The following DIP2C variants were observed in gnomAD, a reference collection of about 807,000 sequenced individuals.
The protein encoded by DIP2C is disco-interacting protein 2 homolog C.
A neutral mutation model predicts 192.4 loss-of-function variants in DIP2C; 33 were observed. That is an observed-to-expected ratio of 0.17 (90% CI 0.13 to 0.23). The LOEUF (loss-of-function observed/expected upper bound fraction) is 0.23. Among genes scored for constraint, DIP2C ranks in the 10% least tolerant of loss-of-function variants. DIP2C has a pLI of 1.00. For missense variants in DIP2C, 1,537 were observed against 2,110.1 expected (o/e 0.73, Z 5.32); for synonymous variants, 979 against 864.1 (o/e 1.13, Z -2.33).
chr10:278,043 C>T, intron 36 of DIP2C, among the ~76,000 whole-genome samples: 1 of 152,146 alleles, frequency 6.6e-6, no homozygotes, highest in African/African-American at 2.4e-5. Context: ...GGCAGGGGTG[C>T]CTACTCCTCT....
At chr10:489,614 G>C (rs1374634072) in intron 1 of DIP2C, among the ~76,000 whole-genome samples, 1 of 152,110 alleles carries the variant, frequency 6.6e-6, no homozygotes, top group Non-Finnish European at 1.5e-5. Context: ...GGCTCTGACA[G>C]AGCCTGGTGC....
chr10:279,979 C>G (rs1028256057), intron 36 of DIP2C, among the ~76,000 whole-genome samples: 2 of 152,198 alleles, frequency 1.3e-5, no homozygotes, highest in African/African-American at 4.8e-5. Flanking sequence ...AAACGGAAGG[C>G]TGTAACTGAT....
At chr10:399,859 C>A (rs1465426272) in intron 9 of DIP2C, among the ~76,000 whole-genome samples, 1 of 152,228 alleles carries the variant, frequency 6.6e-6, no homozygotes, top group East Asian at 1.9e-4. Context: ...TGGTGCCACA[C>A]ACGTGCATGT....
chr10:569,006 G>A (rs12265644), intron 1 of DIP2C, among the ~76,000 whole-genome samples: 8,371 of 152,192 alleles, frequency 0.055, 289 homozygotes, highest in Admixed American at 0.083. Flanking sequence ...CCAGCATGAG[G>A]GCAGCGGCTT....
intron 3 of DIP2C, among the ~76,000 whole-genome samples, chr10:458,929 A>C (rs1969527041): frequency 6.6e-6 from 1 of 151,904 alleles, no homozygotes; most frequent in Non-Finnish European, 1.5e-5. Context: ...TATCCTCAGC[A>C]TAAAATCCGC....
intron 2 of DIP2C, chr10:484,834 C>G: frequency 1.2e-6 from 2 of 1,611,174 alleles, no homozygotes; most frequent in South Asian, 1.1e-5. Context: ...CACCCGCTCC[C>G]GAGCCGCAGC....
intron 32 of DIP2C, among the ~76,000 whole-genome samples, chr10:303,506 A>G (rs1956154971): frequency 6.6e-6 from 1 of 152,056 alleles, no homozygotes; most frequent in Admixed American, 6.6e-5. Flanking sequence ...CAAGTTTTCT[A>G]TTAAAAGTTT....
chr10:568,055 G>A (rs1849553001), intron 1 of DIP2C, among the ~76,000 whole-genome samples: 1 of 152,242 alleles, frequency 6.6e-6, no homozygotes. Context: ...CATCCCCGCA[G>A]TTCTCTGCAC....
chr10:348,905 G>GAAACTTCCACA, intron 25 of DIP2C, 143 bp from the exon 26 acceptor site: 1 of 1,272,910 alleles, frequency 7.9e-7, no homozygotes, highest in Non-Finnish European at 1.1e-6. Context: ...CATCCTGGCG[G>GAAACTTCCACA]GTTTTGTCAG....
chr10:572,501 CAA>C (rs943184261), intron 1 of DIP2C, among the ~76,000 whole-genome samples: 10 of 152,132 alleles, frequency 6.6e-5, no homozygotes, highest in South Asian at 4.1e-4. Flanking sequence ...CCTCCAAAAA[CAA>C]AAGAGTACTG....
chr10:583,283 C>T (rs184505516), intron 1 of DIP2C, among the ~76,000 whole-genome samples: 5 of 152,338 alleles, frequency 3.3e-5, no homozygotes, highest in East Asian at 3.9e-4. Flanking sequence ...CAAAGGAGAA[C>T]GGAGCACCTC....
intron 9 of DIP2C, among the ~76,000 whole-genome samples, chr10:399,960 C>T (rs892414187): frequency 6.6e-6 from 1 of 152,214 alleles, no homozygotes; most frequent in Non-Finnish European, 1.5e-5. Context: ...CTCTTAAGAA[C>T]TAAGTTCCTA....
chr10:523,706 C>T (rs1166752449), intron 1 of DIP2C, among the ~76,000 whole-genome samples: 3 of 149,888 alleles, frequency 2.0e-5, no homozygotes, highest in South Asian at 2.1e-4. Flanking sequence ...CCCACACACT[C>T]GTTTCTACTG....
intron 29 of DIP2C, among the ~76,000 whole-genome samples, chr10:336,893 C>G (rs1478180123): frequency 5.5e-5 from 3 of 54,742 alleles, no homozygotes; most frequent in African/African-American, 2.4e-4. Flanking sequence ...GAGGCCTAGG[C>G]AGGTGTGTGT....
chr10:321,529 GCGGGGGCTCCAGCGAGAGACCGGCGC>G, intron 31 of DIP2C, among the ~76,000 whole-genome samples: 1 of 104,404 alleles, frequency 9.6e-6, no homozygotes, highest in African/African-American at 3.1e-5. Flanking sequence ...GGGAAGGCCT[GCGGGGGCTCCAGCGAGAGACCGGCGC>G]TGTTAGAACA....
intron 10 of DIP2C, among the ~76,000 whole-genome samples, chr10:394,562 ATTACG>A (rs1209588709): frequency 8.6e-6 from 1 of 116,830 alleles, no homozygotes; most frequent in Non-Finnish European, 1.8e-5. Context: ...ACCAAAGGAC[ATTACG>A]TCACATAGTG....
chr10:662,112 C>CT (rs1226330866), intron 1 of DIP2C: 6 of 717,334 alleles, frequency 8.4e-6, no homozygotes, highest in Non-Finnish European at 1.6e-5. Context: ...TTCCTAGTAT[C>CT]TGACAGGTAA....
chr10:339,338 G>T (rs919736595), intron 29 of DIP2C, among the ~76,000 whole-genome samples: 1 of 152,016 alleles, frequency 6.6e-6, no homozygotes, highest in African/African-American at 2.4e-5. Context: ...CTGTTGCAAG[G>T]GCAATCAACA....
At chr10:452,859 G>A (rs1484117602) in intron 3 of DIP2C, among the ~76,000 whole-genome samples, 1 of 152,214 alleles carries the variant, frequency 6.6e-6, no homozygotes, top group Non-Finnish European at 1.5e-5. Context: ...CTTGACCACA[G>A]GGCACGGGGC....
Sources: gnomAD v4.1 joint callset for allele counts (sites outside exome capture counted in the v4.1 genomes callset) on GRCh38, gnomAD v4.1.1 for gene constraint, MANE v1.5 for transcripts, NCBI Gene and HGNC (gene_info 2026-07-23, HGNC 2026-07-21) for gene names.